SGCZ: variants seen among roughly 807,000 people sequenced by gnomAD.
SGCZ encodes the protein zeta-sarcoglycan.
Under a neutral mutation model 41.3 loss-of-function variants are expected in SGCZ, and 40 were observed. The observed-to-expected ratio is 0.97, with a 90% CI of 0.75 to 1.26. The LOEUF is 1.26. Among genes scored for constraint, SGCZ ranks in the 50% most tolerant of loss-of-function variants. The pLI is 0.00. For missense variants in SGCZ, 552 were observed against 369.8 expected, an observed-to-expected ratio of 1.49 and a Z score of -4.04; for synonymous variants, 206 against 137.5, an observed-to-expected ratio of 1.50 and a Z score of -3.49.
At chr8:15,081,338 TTTTTAC>T (rs1201120277) in intron 1 of SGCZ, among the ~76,000 whole-genome samples, 3 of 152,300 alleles carry the variant, frequency 2.0e-5, no homozygotes, top group South Asian at 2.1e-4. Flanking sequence ...CTGAGATGCA[TTTTTAC>T]TTTTAAGTTT....
intron 1 of SGCZ, among the ~76,000 whole-genome samples, chr8:14,674,926 C>CTTTTTT (rs1230886249): frequency 1.6e-5 from 1 of 64,216 alleles, no homozygotes; most frequent in South Asian, 4.8e-4. Flanking sequence ...CTTTTCTTTT[C>CTTTTTT]TGTTTTTTTT....
At chr8:14,280,884 G>C (rs13264883) in intron 3 of SGCZ, among the ~76,000 whole-genome samples, 21,855 of 151,180 alleles carry the variant, frequency 0.14, 1,756 homozygotes, top group Admixed American at 0.22. Context: ...CTGAAAACAA[G>C]AGAGAGGGAG....
intron 1 of SGCZ, among the ~76,000 whole-genome samples, chr8:14,662,774 G>A (rs1490141868): frequency 6.6e-6 from 1 of 152,142 alleles, no homozygotes; most frequent in East Asian, 1.9e-4. Flanking sequence ...TGGGCCCAAG[G>A]TAATCACAAG....
chr8:15,014,682 G>T (rs1249020407), intron 1 of SGCZ, among the ~76,000 whole-genome samples: 1 of 152,152 alleles, frequency 6.6e-6, no homozygotes, highest in Non-Finnish European at 1.5e-5. Context: ...CATATGGCTA[G>T]TCCTTCAGTG....
At chr8:14,384,625 T>A (rs1050986324) in intron 2 of SGCZ, among the ~76,000 whole-genome samples, 1 of 152,204 alleles carries the variant, frequency 6.6e-6, no homozygotes, top group African/African-American at 2.4e-5. Context: ...AATGGCACCA[T>A]CTCAGCTCAC....
At chr8:14,151,975 TA>T (rs1803723474) in intron 5 of SGCZ, among the ~76,000 whole-genome samples, 1 of 151,950 alleles carries the variant, frequency 6.6e-6, no homozygotes, top group Admixed American at 6.6e-5. Context: ...AATATAAAAC[TA>T]TAAAAATTTA....
At chr8:15,154,765 C>G (rs367896105) in intron 1 of SGCZ, among the ~76,000 whole-genome samples, 32 of 152,258 alleles carry the variant, frequency 2.1e-4, no homozygotes, top group African/African-American at 7.7e-4. Context: ...TCGACTGAGA[C>G]AGTCAGTCAA....
At chr8:15,175,118 A>C in intron 1 of SGCZ, among the ~76,000 whole-genome samples, 1 of 152,244 alleles carries the variant, frequency 6.6e-6, no homozygotes, top group East Asian at 1.9e-4. Context: ...GTAAACTAAA[A>C]ATTAAAAATA....
At chr8:14,173,216 C>T (rs1399545330) in intron 4 of SGCZ, among the ~76,000 whole-genome samples, 1 of 151,448 alleles carries the variant, frequency 6.6e-6, no homozygotes, top group Non-Finnish European at 1.5e-5. Flanking sequence ...CCTAAAATTA[C>T]TAGATGTGCA....
chr8:14,459,240 G>A (rs1168694226), intron 2 of SGCZ, among the ~76,000 whole-genome samples: 1 of 152,008 alleles, frequency 6.6e-6, no homozygotes, highest in East Asian at 1.9e-4. Context: ...ACACAGGAAG[G>A]GGAACACCAC....
intron 1 of SGCZ, among the ~76,000 whole-genome samples, chr8:14,989,480 G>C (rs979175621): frequency 6.6e-6 from 1 of 152,016 alleles, no homozygotes; most frequent in Non-Finnish European, 1.5e-5. Context: ...AGCAAGACCA[G>C]TCCTCTAAAT....
At chr8:14,565,078 C>T (rs1298287037) in intron 1 of SGCZ, among the ~76,000 whole-genome samples, 2 of 151,910 alleles carry the variant, frequency 1.3e-5, no homozygotes, top group African/African-American at 4.8e-5. Context: ...TGTGCTGCCT[C>T]TTGAGACAGG....
chr8:14,746,272 A>G (rs1485442633), intron 1 of SGCZ, among the ~76,000 whole-genome samples: 2 of 152,122 alleles, frequency 1.3e-5, no homozygotes, highest in African/African-American at 4.8e-5. Flanking sequence ...TAAAAATTTT[A>G]TACACAAGAT....
At chr8:14,159,300 C>G (rs187768102) in intron 5 of SGCZ, among the ~76,000 whole-genome samples, 1 of 152,162 alleles carries the variant, frequency 6.6e-6, no homozygotes, top group East Asian at 1.9e-4. Context: ...TATGACTGTT[C>G]TCCCATTTCA....
chr8:15,021,834 C>A (rs1462988383), intron 1 of SGCZ, among the ~76,000 whole-genome samples: 1 of 152,102 alleles, frequency 6.6e-6, no homozygotes. Context: ...TGTCTCTGAC[C>A]TTCTAGATAC....
intron 1 of SGCZ, among the ~76,000 whole-genome samples, chr8:15,201,636 T>A (rs993810641): frequency 1.3e-5 from 2 of 152,218 alleles, no homozygotes; most frequent in South Asian, 4.1e-4. Context: ...TTCAATGGCT[T>A]GTGAAACTGC....
At chr8:14,425,144 A>G (rs927568655) in intron 2 of SGCZ, among the ~76,000 whole-genome samples, 1 of 152,128 alleles carries the variant, frequency 6.6e-6, no homozygotes, top group African/African-American at 2.4e-5. Flanking sequence ...AGAGCTTTCT[A>G]AACAGTGAAG....
At chr8:14,654,805 A>G (rs561431515) in intron 1 of SGCZ, among the ~76,000 whole-genome samples, 26 of 151,908 alleles carry the variant, frequency 1.7e-4, no homozygotes, top group African/African-American at 6.3e-4. Context: ...AAGGTCTCAT[A>G]ATTTTGTCAT....
chr8:14,339,512 C>T (rs979687198), intron 2 of SGCZ, among the ~76,000 whole-genome samples: 6 of 152,186 alleles, frequency 3.9e-5, no homozygotes, highest in South Asian at 2.1e-4. Context: ...TCAGAATCAT[C>T]GTCAATGTTT....
Sources: allele counts gnomAD v4.1 joint callset (sites outside exome capture counted in the v4.1 genomes callset), GRCh38; gene constraint gnomAD v4.1.1; transcripts MANE v1.5; gene names NCBI Gene and HGNC (gene_info 2026-07-23, HGNC 2026-07-21).